COMMD1: variants seen among roughly 807,000 people sequenced by gnomAD.
COMMD1 encodes copper metabolism domain containing 1.
A neutral mutation model predicts 17.2 loss-of-function variants in COMMD1; 10 were observed. The observed-to-expected ratio is 0.58, with a 90% CI of 0.36 to 0.99. COMMD1 has a LOEUF of 0.99. Among genes scored for constraint, COMMD1 ranks in the 50% least tolerant of loss-of-function variants. The probability of loss-of-function intolerance (pLI) is 0.01; values close to 1 mark genes in which losing one functional copy is unlikely to be tolerated. For missense variants in COMMD1, 270 were observed against 231.8 expected (o/e 1.17, Z -1.07); for synonymous variants, 97 against 91.6 (o/e 1.06, Z -0.34).
At chr2:62,059,706 T>G (rs1389564992) in intron 2 of COMMD1, among the ~76,000 whole-genome samples, 1 of 152,234 alleles carries the variant, frequency 6.6e-6, no homozygotes, top group Non-Finnish European at 1.5e-5. Flanking sequence ...TAGCTAGGAC[T>G]ATAGACACAA....
At chr2:62,051,672 C>G (rs13411000) in intron 2 of COMMD1, among the ~76,000 whole-genome samples, 12,376 of 152,206 alleles carry the variant, frequency 0.081, 1,194 homozygotes, top group African/African-American at 0.23. Context: ...CTGACTCTTT[C>G]AGGAATGAAT....
At chr2:62,047,052 G>A (rs1670402898) in intron 2 of COMMD1, among the ~76,000 whole-genome samples, 1 of 148,842 alleles carries the variant, frequency 6.7e-6, no homozygotes, top group East Asian at 1.9e-4. Context: ...GGAGAGTTAC[G>A]TGGTCCCTAC....
chr2:61,920,709 A>G (rs1469034326), intron 1 of COMMD1, among the ~76,000 whole-genome samples: 4 of 152,112 alleles, frequency 2.6e-5, no homozygotes, highest in Non-Finnish European at 5.9e-5. Context: ...ATGAGCTTCT[A>G]GTACTAAAGG....
intron 1 of COMMD1, among the ~76,000 whole-genome samples, chr2:61,892,382 C>G (rs1669453229): frequency 2.0e-5 from 3 of 151,962 alleles, no homozygotes. Flanking sequence ...GAGCCAGGAA[C>G]TGGTTAAGGT....
intron 2 of COMMD1, among the ~76,000 whole-genome samples, chr2:62,071,702 C>T (rs922429812): frequency 1.3e-5 from 2 of 152,100 alleles, no homozygotes; most frequent in Admixed American, 1.3e-4. Flanking sequence ...TCCTAAGCCT[C>T]CCTCACCCCA....
chr2:61,941,189 G>T (rs1313990190), intron 1 of COMMD1, among the ~76,000 whole-genome samples: 1 of 151,576 alleles, frequency 6.6e-6, no homozygotes, highest in African/African-American at 2.4e-5. Flanking sequence ...CACCATGTCT[G>T]GCTAATTTTT....
intron 2 of COMMD1, among the ~76,000 whole-genome samples, chr2:62,068,793 TTTTTA>T (rs1011574548): frequency 2.6e-5 from 4 of 151,606 alleles, no homozygotes; most frequent in African/African-American, 2.4e-5. Flanking sequence ...CCCGGCTGAT[TTTTTA>T]TTTTATTTTA....
At chr2:61,960,966 T>G (rs1241454900) in intron 1 of COMMD1, among the ~76,000 whole-genome samples, 1 of 152,180 alleles carries the variant, frequency 6.6e-6, no homozygotes, top group Non-Finnish European at 1.5e-5. Flanking sequence ...CCAGATAGAT[T>G]GCTCGCACCA....
chr2:61,888,537 G>C (rs370130012), upstream of COMMD1: 9 of 1,602,406 alleles, frequency 5.6e-6, no homozygotes, highest in Non-Finnish European at 7.7e-6. Context: ...GGGTTGGCTC[G>C]GGAAGGACGG....
chr2:62,064,979 C>A (rs1388731685), intron 2 of COMMD1, among the ~76,000 whole-genome samples: 1 of 152,070 alleles, frequency 6.6e-6, no homozygotes, highest in East Asian at 1.9e-4. Flanking sequence ...CCAGCCTGGG[C>A]AACATGGCGA....
intron 1 of COMMD1, among the ~76,000 whole-genome samples, chr2:61,899,677 G>T (rs1669619001): frequency 6.6e-6 from 1 of 151,892 alleles, no homozygotes; most frequent in Admixed American, 6.6e-5. Flanking sequence ...TTGTTGTTTT[G>T]TTTGTTTGTT....
intron 1 of COMMD1, among the ~76,000 whole-genome samples, chr2:61,952,798 G>A (rs1055165961): frequency 6.6e-6 from 1 of 152,290 alleles, no homozygotes; most frequent in South Asian, 2.1e-4. Context: ...CCCACTGGGC[G>A]ATTATGTTTC....
At chr2:61,946,662 A>G (rs2103653329) in intron 1 of COMMD1, among the ~76,000 whole-genome samples, 1 of 152,322 alleles carries the variant, frequency 6.6e-6, no homozygotes, top group South Asian at 2.1e-4. Flanking sequence ...TACACTATAC[A>G]TCAGTACACT....
chr2:61,897,763 T>A (rs1212505773), intron 1 of COMMD1, among the ~76,000 whole-genome samples: 1 of 151,884 alleles, frequency 6.6e-6, no homozygotes, highest in African/African-American at 2.4e-5. Context: ...AAAAAATATA[T>A]ATATATTGGC....
At chr2:61,892,878 T>TG (rs1669466559) in intron 1 of COMMD1, among the ~76,000 whole-genome samples, 1 of 151,468 alleles carries the variant, frequency 6.6e-6, no homozygotes, top group Non-Finnish European at 1.5e-5. Context: ...TCTTTTTTTT[T>TG]CCCCCCTGAA....
intron 2 of COMMD1, among the ~76,000 whole-genome samples, chr2:62,070,859 GTC>G (rs764259363): frequency 3.0e-4 from 45 of 152,300 alleles, no homozygotes; most frequent in Non-Finnish European, 5.0e-4. Context: ...GTGAAACCCT[GTC>G]TCTACCAAAA....
At chr2:62,030,754 A>G (rs984988988) in intron 2 of COMMD1, among the ~76,000 whole-genome samples, 1 of 152,178 alleles carries the variant, frequency 6.6e-6, no homozygotes, top group African/African-American at 2.4e-5. Context: ...CAGTTTTAAC[A>G]TTTATTTGAG....
At chr2:61,935,460 C>T (rs985333990) in intron 1 of COMMD1, among the ~76,000 whole-genome samples, 1 of 152,086 alleles carries the variant, frequency 6.6e-6, no homozygotes, top group African/African-American at 2.4e-5. Flanking sequence ...GAAACCCCAT[C>T]TCTACAAAAA....
Position 62,092,717 on chromosome 2 carries a change from G to A in COMMD1, c.463-43114G>A, listed in dbSNP as rs367572787. On this transcript the variant is annotated intron_variant, in intron 2 of 2. Transcript: ENST00000311832. ...TTAACAGCTTTGTTTTATTTGTTAA[G>A]GTTTTGAGGAGCCCTTGACAATAAT... 7.2e-5 allele frequency among the ~76,000 whole-genome samples: 11 copies of A among 152,266 alleles called. No individual in the cohort carries two copies. In the East Asian group the frequency reaches 9.6e-4, roughly 13 times the overall value.
Sources: gnomAD v4.1 joint callset for allele counts (sites outside exome capture counted in the v4.1 genomes callset) on GRCh38, gnomAD v4.1.1 for gene constraint, MANE v1.5 for transcripts, NCBI Gene and HGNC (gene_info 2026-07-23, HGNC 2026-07-21) for gene names.